ADAM12: variants seen among roughly 807,000 people sequenced by gnomAD.
The protein encoded by ADAM12 is disintegrin and metalloproteinase domain-containing protein 12.
In ADAM12, 70 loss-of-function variants were observed where a neutral mutation model predicts 106.4. The ratio of observed to expected loss-of-function variants is 0.66; its 90% CI spans 0.54 to 0.80. The LOEUF (loss-of-function observed/expected upper bound fraction) is 0.80. Among genes scored for constraint, ADAM12 ranks in the 30% least tolerant of loss-of-function variants. ADAM12 has a pLI of 0.00. For missense variants in ADAM12, 1,010 were observed against 1,171.9 expected (o/e 0.86, Z 2.02); for synonymous variants, 420 against 433.5 (o/e 0.97, Z 0.39).
intron 5 of ADAM12, among the ~76,000 whole-genome samples, chr10:126,132,046 G>A (rs1287272446): frequency 6.6e-6 from 1 of 151,440 alleles, no homozygotes; most frequent in Non-Finnish European, 1.5e-5. Context: ...TACAATCTCG[G>A]CTCACTGCAA....
At chr10:126,037,140 CAG>C (rs1276847387) in intron 20 of ADAM12, among the ~76,000 whole-genome samples, 1 of 152,100 alleles carries the variant, frequency 6.6e-6, no homozygotes, top group Non-Finnish European at 1.5e-5. Context: ...TTCTTTTACT[CAG>C]AATAATTATC....
At chr10:126,271,201 C>T (rs1192458805) in intron 3 of ADAM12, among the ~76,000 whole-genome samples, 3 of 152,228 alleles carry the variant, frequency 2.0e-5, no homozygotes, top group African/African-American at 4.8e-5. Context: ...AGTTCTTGGT[C>T]CTTTTCCAGG....
At chr10:126,206,863 G>GA (rs374628687) in intron 3 of ADAM12, among the ~76,000 whole-genome samples, 1 of 147,926 alleles carries the variant, frequency 6.8e-6, no homozygotes, top group African/African-American at 2.5e-5. Flanking sequence ...GTGGGGGCGG[G>GA]GGGGAGCCAG....
chr10:126,191,896 G>A (rs1957508499), intron 3 of ADAM12, among the ~76,000 whole-genome samples: 1 of 152,160 alleles, frequency 6.6e-6, no homozygotes, highest in South Asian at 2.1e-4. Context: ...TGGCTGGGAG[G>A]CCTCAGAAAA....
chr10:126,335,083 A>C (rs1436398251), intron 1 of ADAM12, among the ~76,000 whole-genome samples: 1 of 152,254 alleles, frequency 6.6e-6, no homozygotes, highest in Non-Finnish European at 1.5e-5. Flanking sequence ...ATCAGAATCC[A>C]AGTTTCTAGA....
intron 3 of ADAM12, among the ~76,000 whole-genome samples, chr10:126,192,992 G>T (rs181503466): frequency 6.6e-6 from 1 of 152,172 alleles, no homozygotes; most frequent in African/African-American, 2.4e-5. Flanking sequence ...ACCTCTGGGC[G>T]CAGTGGCTCA....
In ADAM12 at chr10:126,337,987, A is replaced by G. The variant is rs76029193; in HGVS notation, c.89-7478T>C. 8.3e-3 allele frequency among the ~76,000 whole-genome samples: 1,257 copies of G among 152,332 alleles called. 25 individuals carry two copies. The highest frequency in any genetic ancestry group is 0.029 in the African/African-American group (1,197 of 41,558). ...AACAACAATTCTTCTGGCACCACAGATACACAGCCTTGGGCGTGTTAGAGG... is the reference window on the plus strand; with the variant it reads ...AACAACAATTCTTCTGGCACCACAGGTACACAGCCTTGGGCGTGTTAGAGG... On this transcript the variant is annotated intron_variant, in intron 1 of 22. Transcript: ENST00000448723.
At chr10:126,136,668 C>T (rs1956411070) in intron 4 of ADAM12, among the ~76,000 whole-genome samples, 1 of 152,234 alleles carries the variant, frequency 6.6e-6, no homozygotes, top group African/African-American at 2.4e-5. Context: ...TAAGAAAAAG[C>T]ACCAGATGCA....
chr10:126,029,302 C>T (rs971681960), intron 21 of ADAM12, among the ~76,000 whole-genome samples: 3 of 152,112 alleles, frequency 2.0e-5, no homozygotes, highest in African/African-American at 7.2e-5. Context: ...ATGTTCACTG[C>T]AGCACTATTC....
At chr10:126,296,003 C>T (rs1268850925) in intron 2 of ADAM12, among the ~76,000 whole-genome samples, 1 of 152,058 alleles carries the variant, frequency 6.6e-6, no homozygotes, top group African/African-American at 2.4e-5. Flanking sequence ...TACGCTACAA[C>T]CAATTCCAAG....
intron 2 of ADAM12, among the ~76,000 whole-genome samples, chr10:126,287,146 A>G (rs1432326946): frequency 6.6e-6 from 1 of 152,204 alleles, no homozygotes; most frequent in Non-Finnish European, 1.5e-5. Flanking sequence ...TACTTTAGCT[A>G]TAGCCAGAGC....
At chr10:126,366,869 CA>C (rs576629853) in intron 1 of ADAM12, among the ~76,000 whole-genome samples, 105 of 152,120 alleles carry the variant, frequency 6.9e-4, no homozygotes, top group Non-Finnish European at 1.3e-3. Context: ...GTCAATTCGT[CA>C]AGAAGACATA....
At chr10:126,102,055 G>A (rs943743991) in intron 8 of ADAM12, among the ~76,000 whole-genome samples, 1 of 152,110 alleles carries the variant, frequency 6.6e-6, no homozygotes, top group Non-Finnish European at 1.5e-5. Flanking sequence ...CCTACAGGCA[G>A]GTCGTTCTGG....
intron 3 of ADAM12, among the ~76,000 whole-genome samples, chr10:126,164,375 A>T (rs1470960380): frequency 6.6e-6 from 1 of 152,156 alleles, no homozygotes. Context: ...TTCCTGGTGG[A>T]TCCATTTGGT....
intron 6 of ADAM12, among the ~76,000 whole-genome samples, chr10:126,112,058 A>G (rs1955879482): frequency 6.6e-6 from 1 of 152,212 alleles, no homozygotes; most frequent in Non-Finnish European, 1.5e-5. Flanking sequence ...ACGGAATACT[A>G]TGCTGCCATA....
In ADAM12 at chr10:126,043,788, C is replaced by T. The variant is rs1240643727; in HGVS notation, c.1996-640G>A. On this transcript the variant is annotated intron_variant, in intron 17 of 22. Coordinates refer to ENST00000448723, the MANE Select transcript of ADAM12 (RefSeq NM_001288973.2). This position sits in a 1 kb window ranked among gnomAD's most constrained non-coding sequence, Gnocchi z 4.1. ...GCCTGCCTCCTTCTTGCAGAGGTTC[C>T]CAGTGGCTGTTCCCTGGCTCCCAGT... 2.0e-5 allele frequency among the ~76,000 whole-genome samples: 3 copies of T among 152,234 alleles called. No individual in the cohort carries two copies. The highest frequency in any genetic ancestry group is 2.9e-5 in the Non-Finnish European group (2 of 68,046).
At chr10:126,382,311 A>C (rs1350655831) in intron 1 of ADAM12, among the ~76,000 whole-genome samples, 2 of 152,224 alleles carry the variant, frequency 1.3e-5, no homozygotes, top group Non-Finnish European at 2.9e-5. Flanking sequence ...CCAACATGGG[A>C]GGTGTATTTC....
rs531140305 is a variant in ADAM12, at chr10:126,380,105, G to C, written c.88+7953C>G. Among the ~76,000 whole-genome samples, 17 of 152,222 alleles carry C rather than the reference G, an allele frequency of 1.1e-4. No individual in the cohort carries two copies. In the South Asian group the frequency reaches 3.1e-3, roughly 28 times the overall value. On this transcript the variant is annotated intron_variant, in intron 1 of 22. Coordinates refer to ENST00000448723, the MANE Select transcript of ADAM12 (RefSeq NM_001288973.2). ...CTTGGAATGACATAAAAGCTTAAAG[G>C]ATAAAAAATATCAATATGATGCTGA...
chr10:126,079,445 G>T (rs1416333838), intron 11 of ADAM12, among the ~76,000 whole-genome samples: 1 of 152,106 alleles, frequency 6.6e-6, no homozygotes, highest in African/African-American at 2.4e-5. Flanking sequence ...TTTTGTGTTT[G>T]GCTCCTTTCC....
Sources: allele counts gnomAD v4.1 joint callset (sites outside exome capture counted in the v4.1 genomes callset), GRCh38; gene constraint gnomAD v4.1.1; non-coding constraint Gnocchi (gnomAD v3.1); transcripts MANE v1.5; gene names NCBI Gene and HGNC (gene_info 2026-07-23, HGNC 2026-07-21).